Variants in NRCAM observed in about 807,000 individuals in gnomAD.
The protein encoded by NRCAM is neuronal cell adhesion molecule.
A neutral mutation model predicts 156.5 loss-of-function variants in NRCAM; 83 were observed. That is an observed-to-expected ratio of 0.53 (90% CI 0.44 to 0.64). The LOEUF (loss-of-function observed/expected upper bound fraction) is 0.64, where lower values mean the gene tolerates loss of function less well. Among genes scored for constraint, NRCAM ranks in the 30% least tolerant of loss-of-function variants. NRCAM has a pLI of 0.00. For synonymous variants in NRCAM, 538 were observed against 563.9 expected (o/e 0.95, Z 0.65); for missense variants, 1,417 against 1,597.3 (o/e 0.89, Z 1.92).
At chr7:108,409,118 A>G (rs1338899399) in intron 1 of NRCAM, among the ~76,000 whole-genome samples, 1 of 152,178 alleles carries the variant, frequency 6.6e-6, no homozygotes, top group African/African-American at 2.4e-5. Flanking sequence ...CACTTTGGTC[A>G]CAGGATGGAG....
At chr7:108,173,942 C>A (rs1474949470) in intron 28 of NRCAM, among the ~76,000 whole-genome samples, 1 of 152,192 alleles carries the variant, frequency 6.6e-6, no homozygotes, top group Non-Finnish European at 1.5e-5. Flanking sequence ...ACTTGCTTCA[C>A]AGACAGTCCT....
Position 108,225,675 on chromosome 7 carries a change from C to T in NRCAM, c.748G>A (p.Ala250Thr). 6.2e-7 allele frequency: 1 copy of T among 1,600,284 alleles called. No individual in the cohort carries two copies. The highest frequency in any genetic ancestry group is 1.1e-5 in the South Asian group (1 of 90,782). Reference protein sequence around the residue: ...SVDELNDTIAANLSDTEFYGA... With the variant: ...SVDELNDTIATNLSDTEFYGA... The stretch of plus-strand genomic sequence containing the variant: ...TAAAACTCAGTGTCACTCAAATTAG[C>T]AGCTATAGTGTCATTCAATTCATCC... Residue 250 changes from alanine (A) to threonine (T), a missense_variant, in exon 10 of 33, where the codon GCT (alanine) becomes ACT (threonine). Physicochemically the swap from Ala to Thr is moderately conservative, Grantham distance 58. Coordinates refer to ENST00000379028, the MANE Select transcript of NRCAM (RefSeq NM_001037132.4).
intron 20 of NRCAM, among the ~76,000 whole-genome samples, chr7:108,186,104 C>T (rs947228014): frequency 6.6e-6 from 1 of 152,192 alleles, no homozygotes; most frequent in Non-Finnish European, 1.5e-5. Context: ...TGATTGCCTA[C>T]TATGTGCCAG....
In NRCAM at chr7:108,234,676, G is replaced by A; in HGVS notation, c.137C>T (p.Pro46Leu). ...TTTTGGAGACTGTTGGGTGATGGTT[G>A]GAGGCTGTACCACTTAATTGTAGAA... ...PKLLEDLVQPPTITQQSPKDY... is the reference protein window; with the variant it reads ...PKLLEDLVQPLTITQQSPKDY... Residue 46 changes from proline (P) to leucine (L), a missense_variant, in exon 6 of 33, where the codon CCA becomes CTA. Physicochemically the swap from Pro to Leu is moderately conservative, Grantham distance 98. This residue lies in a region of NRCAM where 1,238 missense variants were observed against 1,336.4 expected (regional missense o/e 0.93). Coordinates refer to ENST00000379028, the MANE Select transcript of NRCAM (RefSeq NM_001037132.4). The A allele has an allele frequency of 6.2e-7, 1 of 1,605,616 alleles. No individual in the cohort carries two copies. Among genetic ancestry groups the A allele is most frequent in the Non-Finnish European group, 8.5e-7 (1 of 1,172,924 alleles).
intron 3 of NRCAM, among the ~76,000 whole-genome samples, chr7:108,291,410 A>G (rs546057065): frequency 7.2e-5 from 11 of 152,350 alleles, no homozygotes; most frequent in African/African-American, 1.9e-4. Flanking sequence ...CTATATAATT[A>G]GAAAACCAGA....
At position 108,218,710 on chromosome 7, in the gene NRCAM, G is replaced by A. The variant is rs907634778; in HGVS notation, c.890+5015C>T. Among the ~76,000 whole-genome samples, 9 of 152,052 alleles carry A rather than the reference G, an allele frequency of 5.9e-5. No homozygotes were observed. The East Asian group carries it at 1.4e-3, about 23-fold the overall frequency. ...AAAACCTCTGGGATACAGCAGAGGC[G>A]GTGCTAAGAGGAAAGTTCATAGCTC... On this transcript the variant is annotated intron_variant, in intron 11 of 32. Transcript: ENST00000379028.
intron 2 of NRCAM, among the ~76,000 whole-genome samples, chr7:108,383,860 T>C (rs2099718598): frequency 6.6e-6 from 1 of 152,166 alleles, no homozygotes; most frequent in Non-Finnish European, 1.5e-5. Flanking sequence ...GAGTCTGAGA[T>C]GCGTAACTGA....
At chr7:108,376,897 G>A (rs1049793035) in intron 2 of NRCAM, among the ~76,000 whole-genome samples, 2 of 152,192 alleles carry the variant, frequency 1.3e-5, no homozygotes, top group Non-Finnish European at 2.9e-5. Flanking sequence ...AGGTGCAGTG[G>A]CTCATGCCTG....
chr7:108,446,824 T>C lies in NRCAM; in HGVS notation c.-332+9419A>G, dbSNP rs538877554. On this transcript the variant is annotated intron_variant, in intron 1 of 32. Transcript: ENST00000379028. ...CTCACTGCAACCTTCGCCTCCTGGG[T>C]TGAGGTGATTCTCCTGCCTCAGCCT... Among the ~76,000 whole-genome samples, 319 of 151,670 alleles carry C rather than the reference T, an allele frequency of 2.1e-3. 1 individual carries two copies. Among genetic ancestry groups the C allele is most frequent in the Non-Finnish European group, 3.8e-3 (256 of 67,934 alleles).
chr7:108,378,688 CAA>C (rs1254509509), intron 2 of NRCAM, among the ~76,000 whole-genome samples: 22 of 133,438 alleles, frequency 1.6e-4, no homozygotes, highest in East Asian at 6.4e-4. Context: ...CACACACACA[CAA>C]ACTCCAAGAC....
intron 3 of NRCAM, among the ~76,000 whole-genome samples, chr7:108,256,467 C>A (rs534495837): frequency 2.0e-5 from 3 of 149,692 alleles, no homozygotes; most frequent in Middle Eastern, 3.4e-3. Flanking sequence ...ATCTCAAGTA[C>A]CCAGGGACAC....
At chr7:108,189,582 T>C in intron 20 of NRCAM, 63 bp downstream of exon 20, 1 of 760,316 alleles carries the variant, frequency 1.3e-6, no homozygotes, top group Non-Finnish European at 2.4e-6. Flanking sequence ...CAGCTGACTG[T>C]TACAAAGTGC....
At chr7:108,414,490 C>G (rs1799089216) in intron 1 of NRCAM, among the ~76,000 whole-genome samples, 1 of 152,108 alleles carries the variant, frequency 6.6e-6, no homozygotes. Context: ...TAGACTAGCC[C>G]TGAGAAAGGG....
chr7:108,207,878 C>T (rs1160992938), intron 12 of NRCAM, among the ~76,000 whole-genome samples: 3 of 152,060 alleles, frequency 2.0e-5, no homozygotes, highest in Non-Finnish European at 4.4e-5. Flanking sequence ...TATTTCTAGA[C>T]CTGTTTGATA....
intron 2 of NRCAM, among the ~76,000 whole-genome samples, chr7:108,341,051 C>T (rs1357166927): frequency 6.6e-6 from 1 of 152,144 alleles, no homozygotes; most frequent in Non-Finnish European, 1.5e-5. Context: ...AATCCAATGC[C>T]TAATAGGGCT....
chr7:108,321,947 T>C (rs1018782234), intron 2 of NRCAM, among the ~76,000 whole-genome samples: 1 of 152,202 alleles, frequency 6.6e-6, no homozygotes, highest in African/African-American at 2.4e-5. Context: ...CATAAAAATA[T>C]AGTAAAGCAG....
intron 1 of NRCAM, among the ~76,000 whole-genome samples, chr7:108,454,695 A>T (rs1194918886): frequency 1.3e-5 from 2 of 152,184 alleles, no homozygotes; most frequent in Admixed American, 1.3e-4. Flanking sequence ...GTTTGTATTC[A>T]GAGGTTACTG....
chr7:108,414,724 ACCATCAGATCTCAC>A (rs2154422268), intron 1 of NRCAM, among the ~76,000 whole-genome samples: 1 of 152,304 alleles, frequency 6.6e-6, no homozygotes, highest in Admixed American at 6.5e-5. Context: ...GAAGAGGAAA[ACCATCAGATCTCAC>A]CCACGGCAGA....
At chr7:108,339,996 T>C (rs1382168530) in intron 2 of NRCAM, among the ~76,000 whole-genome samples, 3 of 152,220 alleles carry the variant, frequency 2.0e-5, no homozygotes, top group Non-Finnish European at 4.4e-5. Context: ...ATCTTACAGC[T>C]AGACCTCTTT....
Sources: allele counts gnomAD v4.1 joint callset (sites outside exome capture counted in the v4.1 genomes callset), GRCh38; gene constraint gnomAD v4.1.1; regional missense constraint gnomAD v4.1.1; transcripts MANE v1.5; gene names NCBI Gene and HGNC (gene_info 2026-07-23, HGNC 2026-07-21).